TOX: variants seen among roughly 807,000 people sequenced by gnomAD.
TOX encodes thymocyte selection associated high mobility group box.
TOX carries 11 observed loss-of-function variants against 53.7 expected under a neutral mutation model. The ratio of observed to expected loss-of-function variants is 0.20; its 90% CI spans 0.13 to 0.34. The LOEUF is 0.34. TOX is among the 10% of genes least tolerant of loss of function. The pLI is 1.00. For synonymous variants in TOX, 225 were observed against 245.3 expected (o/e 0.92, Z 0.77); for missense variants, 570 against 664.6 (o/e 0.86, Z 1.56).
intron 1 of TOX, among the ~76,000 whole-genome samples, chr8:58,980,629 A>G (rs1310586817): frequency 6.6e-6 from 1 of 152,192 alleles, no homozygotes; most frequent in African/African-American, 2.4e-5. Context: ...TGTTCCAGGC[A>G]TATTCCTACA....
At chr8:59,037,445 C>G (rs556573579) in intron 1 of TOX, among the ~76,000 whole-genome samples, 4 of 152,096 alleles carry the variant, frequency 2.6e-5, no homozygotes, top group Non-Finnish European at 5.9e-5. Context: ...TTATAGTACT[C>G]GCAATTCTGT....
At chr8:58,924,765 A>AT (rs1812126499) in intron 3 of TOX, among the ~76,000 whole-genome samples, 1 of 152,050 alleles carries the variant, frequency 6.6e-6, no homozygotes. Context: ...TTAGTAATGT[A>AT]TTTTTCTCAA....
At chr8:59,087,825 A>G (rs1254629298) in intron 1 of TOX, among the ~76,000 whole-genome samples, 1 of 152,228 alleles carries the variant, frequency 6.6e-6, no homozygotes, top group Non-Finnish European at 1.5e-5. Context: ...AGAAGATAAT[A>G]AATAGCCAGG....
chr8:58,817,919 G>A (rs747244924), intron 6 of TOX, among the ~76,000 whole-genome samples: 9 of 151,820 alleles, frequency 5.9e-5, no homozygotes, highest in South Asian at 2.1e-4. Flanking sequence ...GGTAAGTTTT[G>A]GCTAAAGAAA....
intron 2 of TOX, among the ~76,000 whole-genome samples, chr8:58,959,092 T>A (rs1048584012): frequency 2.6e-5 from 4 of 152,188 alleles, no homozygotes; most frequent in African/African-American, 9.7e-5. Context: ...TCTACCATGG[T>A]TTTTACCATT....
intron 3 of TOX, among the ~76,000 whole-genome samples, chr8:58,918,931 A>G (rs981733890): frequency 3.6e-4 from 55 of 152,092 alleles, no homozygotes; most frequent in African/African-American, 1.3e-3. Context: ...AGAGAGCCAA[A>G]TCATAAGTGA....
At chr8:58,925,332 A>C (rs1812137675) in intron 3 of TOX, among the ~76,000 whole-genome samples, 1 of 152,224 alleles carries the variant, frequency 6.6e-6, no homozygotes, top group Admixed American at 6.5e-5. Flanking sequence ...TAGTACATTC[A>C]AGAGAATTAA....
At chr8:58,820,126 G>T (rs1810248558) in intron 6 of TOX, among the ~76,000 whole-genome samples, 1 of 152,072 alleles carries the variant, frequency 6.6e-6, no homozygotes, top group African/African-American at 2.4e-5. Context: ...CCATGGCATG[G>T]TATCTGTAAG....
chr8:59,000,196 A>C (rs919916382), intron 1 of TOX, among the ~76,000 whole-genome samples: 1 of 152,322 alleles, frequency 6.6e-6, no homozygotes. Flanking sequence ...ATAGATGTGT[A>C]TATTCAGTTC....
intron 6 of TOX, among the ~76,000 whole-genome samples, chr8:58,822,107 A>G (rs972991816): frequency 3.3e-5 from 5 of 152,258 alleles, no homozygotes; most frequent in Non-Finnish European, 7.3e-5. Context: ...CTCTATGGAA[A>G]GAAGTTGTTT....
At chr8:59,088,679 A>T (rs1804555720) in intron 1 of TOX, among the ~76,000 whole-genome samples, 1 of 152,242 alleles carries the variant, frequency 6.6e-6, no homozygotes, top group Admixed American at 6.5e-5. Context: ...ATTGCATATG[A>T]TGAATAAGGA....
Position 59,069,515 on chromosome 8 carries a change from G to C in TOX, c.102+49371C>G, listed in dbSNP as rs142176237. On this transcript the variant is annotated intron_variant, in intron 1 of 8. Coordinates refer to ENST00000361421, the MANE Select transcript of TOX (RefSeq NM_014729.3). ...ATAATTTTAGAGACATCAGTTTATAGTTAGTAGCTGAAGCCATTTATTTGG... is the reference window on the plus strand; with the variant it reads ...ATAATTTTAGAGACATCAGTTTATACTTAGTAGCTGAAGCCATTTATTTGG... 3.1e-3 allele frequency among the ~76,000 whole-genome samples: 477 copies of C among 152,310 alleles called. 4 individuals carry two copies. Among genetic ancestry groups the C allele is most frequent in the African/African-American group, 0.011 (443 of 41,568 alleles).
At chr8:59,096,309 G>A (rs1804711583) in intron 1 of TOX, among the ~76,000 whole-genome samples, 1 of 152,154 alleles carries the variant, frequency 6.6e-6, no homozygotes, top group Non-Finnish European at 1.5e-5. Context: ...TTATTATGCA[G>A]AGAATCAGTA....
chr8:58,862,297 CT>C (rs1811023780), intron 3 of TOX, among the ~76,000 whole-genome samples: 1 of 152,086 alleles, frequency 6.6e-6, no homozygotes, highest in South Asian at 2.1e-4. Context: ...AAATATTTGT[CT>C]GCCAAAATTT....
intron 3 of TOX, among the ~76,000 whole-genome samples, chr8:58,928,017 C>G (rs1486306221): frequency 1.3e-5 from 2 of 152,204 alleles, no homozygotes; most frequent in Non-Finnish European, 2.9e-5. Context: ...ACTCCCCGGA[C>G]AAGTTAAGAA....
At chr8:58,864,485 G>A (rs764494607) in intron 3 of TOX, among the ~76,000 whole-genome samples, 5 of 152,234 alleles carry the variant, frequency 3.3e-5, no homozygotes, top group Middle Eastern at 3.4e-3. Context: ...TGGGCCTAAC[G>A]TTTCAAAAAT....
chr8:58,989,787 A>G (rs141524339), intron 1 of TOX, among the ~76,000 whole-genome samples: 248 of 152,330 alleles, frequency 1.6e-3, no homozygotes, highest in Admixed American at 8.0e-3. Flanking sequence ...AAAAAGAGTG[A>G]CAGCCCAGTA....
chr8:58,946,506 C>T (rs777087655), intron 2 of TOX, among the ~76,000 whole-genome samples: 2 of 152,122 alleles, frequency 1.3e-5, no homozygotes, highest in African/African-American at 2.4e-5. Flanking sequence ...ATCATCTTAA[C>T]GCTCAGCAAG....
At chr8:58,929,244 G>A (rs556295951) in intron 3 of TOX, among the ~76,000 whole-genome samples, 10 of 151,844 alleles carry the variant, frequency 6.6e-5, no homozygotes, top group African/African-American at 9.7e-5. Flanking sequence ...CACGCTCTCT[G>A]GATGATTTTG....
Sources: allele counts gnomAD v4.1 joint callset (sites outside exome capture counted in the v4.1 genomes callset), GRCh38; gene constraint gnomAD v4.1.1; transcripts MANE v1.5; gene names NCBI Gene and HGNC (gene_info 2026-07-23, HGNC 2026-07-21).